The following SPMIP6 variants were observed in gnomAD, a reference collection of about 807,000 sequenced individuals.
The protein encoded by SPMIP6 is ciliated bronchial epithelial protein 1.
the SPMIP6 span, chr9:34,385,774 G>A: frequency 1.2e-6 from 2 of 1,612,946 alleles, no homozygotes; most frequent in Admixed American, 3.3e-5. Context: ...CATGGTATGA[G>A]TCAGACCCTG....
At chr9:34,382,528 T>G in the SPMIP6 span, 1 of 532,558 alleles carries the variant, frequency 1.9e-6, no homozygotes, top group African/African-American at 1.9e-5. Flanking sequence ...GAGGTTGCAG[T>G]GAGCCAAGGT....
chr9:34,388,012 C>A, the SPMIP6 span, among the ~76,000 whole-genome samples: 4 of 152,090 alleles, frequency 2.6e-5, no homozygotes, highest in African/African-American at 9.7e-5. Context: ...CAAAATGGTA[C>A]CCTGTCCTCA....
chr9:34,397,063 G>C, the SPMIP6 span, among the ~76,000 whole-genome samples: 1 of 152,066 alleles, frequency 6.6e-6, no homozygotes, highest in Admixed American at 6.6e-5. Flanking sequence ...GCAGCCTCAG[G>C]GCCTTTGCAC....
the SPMIP6 span, chr9:34,379,740 A>G: frequency 6.2e-7 from 1 of 1,611,744 alleles, no homozygotes; most frequent in African/African-American, 1.3e-5. The surrounding 1 kb of genome is among the most constrained non-coding windows in gnomAD (Gnocchi z 4.2). Context: ...CATCTGGAGA[A>G]GGAGGAAGCC....
At chr9:34,382,716 C>T in the SPMIP6 span, 2 of 1,401,098 alleles carry the variant, frequency 1.4e-6, no homozygotes, top group Non-Finnish European at 2.0e-6. Flanking sequence ...GTATGCGTGT[C>T]CCAGTCCCCA....
the SPMIP6 span, among the ~76,000 whole-genome samples, chr9:34,391,116 T>A: frequency 1.5e-4 from 23 of 152,362 alleles, no homozygotes; most frequent in Admixed American, 9.8e-4. Context: ...TTTAATTTTT[T>A]AAATCGTTAT....
chr9:34,388,452 T>C, the SPMIP6 span, among the ~76,000 whole-genome samples: 1 of 152,104 alleles, frequency 6.6e-6, no homozygotes, highest in Non-Finnish European at 1.5e-5. Context: ...TCACCTGGCC[T>C]AACTGCTTCT....
chr9:34,380,753 C>CGG, the SPMIP6 span: 1 of 1,545,902 alleles, frequency 6.5e-7, no homozygotes, highest in South Asian at 1.2e-5. Flanking sequence ...GGGCGGGACA[C>CGG]GGCAGGGCCT....
chr9:34,382,605 C>T, the SPMIP6 span: 1 of 592,612 alleles, frequency 1.7e-6, no homozygotes. Flanking sequence ...AAAATACAAA[C>T]TCTAGTTTCA....
the SPMIP6 span, chr9:34,381,787 T>G: frequency 1.8e-5 from 18 of 984,396 alleles, no homozygotes; most frequent in Non-Finnish European, 2.2e-5. The surrounding 1 kb of genome is among the most constrained non-coding windows in gnomAD (Gnocchi z 4.4). Context: ...TTTTCAATAT[T>G]GCTTGTCATT....
chr9:34,379,840 C>T, the SPMIP6 span: 11 of 783,510 alleles, frequency 1.4e-5, no homozygotes, highest in South Asian at 1.6e-4. The surrounding 1 kb of genome is among the most constrained non-coding windows in gnomAD (Gnocchi z 4.2). Context: ...TCCCAAGGCT[C>T]GGAAATCCTC....
At chr9:34,384,001 A>G in the SPMIP6 span, among the ~76,000 whole-genome samples, 1 of 152,310 alleles carries the variant, frequency 6.6e-6, no homozygotes, top group Admixed American at 6.5e-5. Context: ...CTTAGCCCCC[A>G]GTCACCTAAG....
At chr9:34,382,726 A>C in the SPMIP6 span, 1 of 1,498,812 alleles carries the variant, frequency 6.7e-7, no homozygotes, top group Non-Finnish European at 9.3e-7. Flanking sequence ...CCCAGTCCCC[A>C]GACGTCTGTG....
At chr9:34,389,239 TTA>T in the SPMIP6 span, among the ~76,000 whole-genome samples, 1 of 152,150 alleles carries the variant, frequency 6.6e-6, no homozygotes, top group South Asian at 2.1e-4. Context: ...TTACTTTTCT[TTA>T]TAGTGTCTTG....
At chr9:34,379,021 T>C in the SPMIP6 span, 1 of 1,050,810 alleles carries the variant, frequency 9.5e-7, no homozygotes, top group Non-Finnish European at 1.5e-6. This position sits in a 1 kb window ranked among gnomAD's most constrained non-coding sequence, Gnocchi z 4.2. Context: ...AGGCAGGCTT[T>C]GGGGTTGAAG....
chr9:34,388,984 T>C, the SPMIP6 span, among the ~76,000 whole-genome samples: 1 of 145,998 alleles, frequency 6.8e-6, no homozygotes, highest in Admixed American at 7.3e-5. Context: ...CAGGCTGGAG[T>C]GCAGTGGCAC....
At chr9:34,381,376 A>G in the SPMIP6 span, 3 of 1,613,868 alleles carry the variant, frequency 1.9e-6, no homozygotes, top group East Asian at 6.7e-5. This position sits in a 1 kb window ranked among gnomAD's most constrained non-coding sequence, Gnocchi z 4.4. Context: ...TACCGTAGGC[A>G]TTGAGCCGCT....
At chr9:34,389,358 A>C in the SPMIP6 span, among the ~76,000 whole-genome samples, 1 of 152,196 alleles carries the variant, frequency 6.6e-6, no homozygotes, top group Non-Finnish European at 1.5e-5. Flanking sequence ...TAAACACAAA[A>C]GTTTTACTTT....
chr9:34,384,021 C>T, the SPMIP6 span, among the ~76,000 whole-genome samples: 1 of 152,210 alleles, frequency 6.6e-6, no homozygotes, highest in African/African-American at 2.4e-5. Flanking sequence ...GCCTGTCCTA[C>T]AAGGCCCTCC....
Sources: gnomAD v4.1 joint callset for allele counts (sites outside exome capture counted in the v4.1 genomes callset) on GRCh38, gnomAD v4.1.1 for gene constraint, Gnocchi (gnomAD v3.1) non-coding constraint, MANE v1.5 for transcripts, NCBI Gene and HGNC (gene_info 2026-07-23, HGNC 2026-07-21) for gene names.